GAS5: variants seen among roughly 807,000 people sequenced by gnomAD.
GAS5 encodes the protein growth arrest specific 5 (non-protein coding).
At chr1:173,866,824 CAG>C in intron 1 of GAS5, 1 of 765,346 alleles carries the variant, frequency 1.3e-6, no homozygotes, top group Non-Finnish European at 2.4e-6. Flanking sequence ...GCAAGCAAAA[CAG>C]TGAGAATGAA....
At chr1:173,866,800 G>C (rs112727149) in intron 1 of GAS5, 2 of 765,062 alleles carry the variant, frequency 2.6e-6, no homozygotes. Flanking sequence ...GACACAACTA[G>C]AAAACAAAAA....
At chr1:173,866,078 T>C (rs551628123) in intron 4 of GAS5, 22 of 518,898 alleles carry the variant, frequency 4.2e-5, no homozygotes, top group African/African-American at 3.8e-4. Context: ...GAATCCGCCA[T>C]TTATTTAATG....
upstream of GAS5, chr1:173,867,411 G>C (rs1028837107): frequency 2.9e-6 from 1 of 349,506 alleles, no homozygotes; most frequent in Non-Finnish European, 5.6e-6. Flanking sequence ...AGTTACTTGG[G>C]AGGCTGAGGC....
At chr1:173,864,388 A>G in intron 6 of GAS5, 1 of 519,126 alleles carries the variant, frequency 1.9e-6, no homozygotes, top group Non-Finnish European at 3.8e-6. Context: ...ATCAAAATGG[A>G]ACGGTTTTAC....
chr1:173,866,158 T>C (rs1654576156), intron 4 of GAS5: 4 of 475,260 alleles, frequency 8.4e-6, no homozygotes, highest in African/African-American at 4.0e-5. Context: ...CCTGCTTACT[T>C]GGATACAGTT....
intron 6 of GAS5, chr1:173,864,786 C>G (rs1166010899): frequency 3.9e-6 from 2 of 517,896 alleles, no homozygotes; most frequent in Admixed American, 1.9e-5. Flanking sequence ...TATAGAATGG[C>G]TATATTCCCC....
chr1:173,865,316 G>C, intron 6 of GAS5: 1 of 475,166 alleles, frequency 2.1e-6, no homozygotes, highest in Non-Finnish European at 4.2e-6. Context: ...CCAATAGGTA[G>C]TAATAGGTGG....
upstream of GAS5, chr1:173,867,212 C>A (rs1302221955): frequency 1.8e-6 from 1 of 543,360 alleles, no homozygotes; most frequent in Non-Finnish European, 3.2e-6. Context: ...AAGCACTGCA[C>A]CCGCAGTTAA....
chr1:173,864,596 C>T (rs1654265496), intron 6 of GAS5: 1 of 375,760 alleles, frequency 2.7e-6, no homozygotes, highest in African/African-American at 2.1e-5. Flanking sequence ...CAGCTAATCA[C>T]TCCCATCTAC....
chr1:173,867,878 G>A, upstream of GAS5: 1 of 428,390 alleles, frequency 2.3e-6, no homozygotes, highest in Admixed American at 2.5e-5. Context: ...TGGCTTAGAA[G>A]TCCCAGTCAA....
chr1:173,867,533 A>G (rs1260610883), upstream of GAS5: 2 of 413,868 alleles, frequency 4.8e-6, no homozygotes, highest in South Asian at 1.7e-5. Flanking sequence ...AAGAAACACT[A>G]ATGGAAATAT....
At chr1:173,868,962 T>C (rs1274267191), upstream of GAS5, 1 of 152,632 alleles carries the variant, frequency 6.6e-6, no homozygotes, top group Non-Finnish European at 1.5e-5. Context: ...CGAAAGACTT[T>C]CCTCCAGGGG....
rs183421758 is a variant in GAS5 at position 173,865,136 on chromosome 1, T to G, written n.276+335A>C. ...ATTCCTTGAACCTGGGAGGCAGAGG[T>G]TGCAGTGAACTGATAGTGCCGCTGC... On this transcript the variant is annotated intron_variant and non_coding_transcript_variant, in intron 6 of 7. Coordinates refer to ENST00000651080, the Ensembl canonical transcript of GAS5. 3.4e-4 allele frequency: 115 copies of G among 339,510 alleles called. 1 individual carries two copies. In the East Asian group the frequency reaches 8.4e-3, roughly 25 times the overall value. The allele number at this position is 339,510 out of a possible 1,614,324, so 21.0% of individuals were successfully genotyped here. A position where few individuals can be genotyped will look rare whatever the true frequency, so the allele number is the denominator to read the frequency against.
At chr1:173,864,139 G>A (rs760762147) in intron 7 of GAS5, 1 of 516,772 alleles carries the variant, frequency 1.9e-6, no homozygotes, top group Non-Finnish European at 3.9e-6. Flanking sequence ...AATGCTACAT[G>A]GGAATGCAGA....
upstream of GAS5, chr1:173,867,201 G>A (rs1654869181): frequency 9.1e-6 from 5 of 550,472 alleles, no homozygotes; most frequent in Admixed American, 1.4e-4. Context: ...ATGTTACAAA[G>A]AAGCACTGCA....
chr1:173,866,669 T>G, intron 2 of GAS5: 1 of 764,938 alleles, frequency 1.3e-6, no homozygotes, highest in Non-Finnish European at 2.4e-6. Context: ...AAGATCCTCA[T>G]CATTCTAGCA....
chr1:173,864,809 A>G (rs372138351), intron 6 of GAS5: 1 of 518,966 alleles, frequency 1.9e-6, no homozygotes, highest in Non-Finnish European at 3.8e-6. Flanking sequence ...TTCGGGGCAT[A>G]AACTAGAATG....
At chr1:173,864,519 GAAA>G (rs1250770059) in intron 6 of GAS5, 2 of 441,898 alleles carry the variant, frequency 4.5e-6, no homozygotes, top group Non-Finnish European at 8.9e-6. Flanking sequence ...GTTTGAAGAT[GAAA>G]AATAATACCC....
chr1:173,865,416 AATC>A (rs1259893495), intron 6 of GAS5: 1 of 516,168 alleles, frequency 1.9e-6, no homozygotes, highest in African/African-American at 1.9e-5. Flanking sequence ...TTAATTTTAA[AATC>A]ATCACTAACA....
Sources: allele counts gnomAD v4.1 joint callset, GRCh38; gene constraint gnomAD v4.1.1; transcripts MANE v1.5; gene names NCBI Gene and HGNC (gene_info 2026-07-23, HGNC 2026-07-21).